POLR1F: variants seen among roughly 807,000 people sequenced by gnomAD.
POLR1F encodes the protein RNA polymerase I subunit F.
In POLR1F, 23 loss-of-function variants were observed where a neutral mutation model predicts 21.8. The observed-to-expected ratio is 1.05, with a 90% CI of 0.76 to 1.49. The LOEUF is 1.49. Ranked by LOEUF, POLR1F falls within the 40% of genes most tolerant of loss-of-function variation. POLR1F has a pLI of 0.00. For synonymous variants in POLR1F, 162 were observed against 152.8 expected, an observed-to-expected ratio of 1.06 and a Z score of -0.45; for missense variants, 435 against 412.1, an observed-to-expected ratio of 1.06 and a Z score of -0.48.
chr7:19,703,887 G>C (rs115845791), intron 2 of POLR1F, among the ~76,000 whole-genome samples: 6,103 of 152,254 alleles, frequency 0.04, 183 homozygotes, highest in African/African-American at 0.078. Flanking sequence ...AGCCACTGTG[G>C]CTGGCCTACA....
chr7:19,702,024 C>T (rs191053457), intron 2 of POLR1F, among the ~76,000 whole-genome samples: 2 of 152,162 alleles, frequency 1.3e-5, no homozygotes, highest in Admixed American at 1.3e-4. Context: ...CAGGCAGACC[C>T]CCGCAGCTAA....
chr7:19,702,792 T>C (rs1240003587), intron 2 of POLR1F, among the ~76,000 whole-genome samples: 1 of 152,134 alleles, frequency 6.6e-6, no homozygotes, highest in African/African-American at 2.4e-5. Flanking sequence ...AAAAATTGCT[T>C]ATGAGGGAAA....
Position 19,708,977 on chromosome 7 carries a change from C to T in POLR1F, c.40G>A (p.Ala14Thr). Residue 14 changes from alanine to threonine, a missense_variant, in exon 1 of 4, where the codon GCT becomes ACT. By Grantham distance (58) the Ala-to-Thr change is moderately conservative. Transcript: ENST00000222567. The stretch of plus-strand genomic sequence containing the variant: ...TGCCCTACCAGAGACCCATCAGAAG[C>T]CGCCGCTGGCCGCGGCGCCTCTGAG... ...GCSEAPRPAA[A>T]SDGSLVGQAG... The T allele has an allele frequency of 1.9e-6, 3 of 1,597,416 alleles. No homozygotes were observed. Among genetic ancestry groups the T allele is most frequent in the African/African-American group, 1.3e-5 (1 of 74,706 alleles).
intron 2 of POLR1F, 197 bp from the exon 3 acceptor site, chr7:19,700,477 G>C (rs1583401184): frequency 1.8e-6 from 1 of 556,458 alleles, no homozygotes; most frequent in East Asian, 2.8e-5. Flanking sequence ...AATACCACTG[G>C]GTTTTGAGAA....
At chr7:19,703,641 C>A (rs751888448) in intron 2 of POLR1F, among the ~76,000 whole-genome samples, 1 of 152,144 alleles carries the variant, frequency 6.6e-6, no homozygotes, top group African/African-American at 2.4e-5. Context: ...GTTGCCTAGG[C>A]TGGAATGCAT....
At chr7:19,704,488 C>G (rs1326443053) in intron 2 of POLR1F, among the ~76,000 whole-genome samples, 1 of 152,072 alleles carries the variant, frequency 6.6e-6, no homozygotes, top group East Asian at 1.9e-4. Flanking sequence ...GAATTGAGAA[C>G]TTTTGAAATA....
chr7:19,698,525 T>A lies in POLR1F; in HGVS notation c.808A>T (p.Ile270Phe). ...ALQNTNNANG[I>F]WEEEPKKKKK... ...TTTTTCTTTGGCTCCTCCTCCCAGA[T>A]GCCATTCGCATTATTAGTATTCTGC... Residue 270 changes from isoleucine (I) to phenylalanine (F), a missense_variant, in exon 4 of 4, where the codon ATC becomes TTC. Physicochemically the swap from Ile to Phe is conservative, Grantham distance 21. Transcript: ENST00000222567. The A allele has an allele frequency of 6.2e-7, 1 of 1,606,196 alleles. No homozygotes were observed. The highest frequency in any genetic ancestry group is 8.5e-7 in the Non-Finnish European group (1 of 1,178,138).
chr7:19,708,783 C>T lies in POLR1F; in HGVS notation c.234G>A (p.Glu78=). 6.2e-7 allele frequency: 1 copy of T among 1,612,876 alleles called. No individual in the cohort carries two copies. Among genetic ancestry groups the T allele is most frequent in the Non-Finnish European group, 8.5e-7 (1 of 1,178,898 alleles). The change falls in exon 1 of 4, where the codon GAG becomes GAA. Residue 78 remains glutamate (E), a synonymous_variant. Transcript: ENST00000222567. ...GGTACCTCTCAGAATAGCGAAGGAG[C>T]TCCGCATCAAGCTGTTCTCGAATGC... ...RTGIREQLDA[E]LLRYSESLLG...
At chr7:19,699,960 A>C in intron 3 of POLR1F, 112 bp downstream of exon 3, 1 of 811,260 alleles carries the variant, frequency 1.2e-6, no homozygotes, top group Non-Finnish European at 1.9e-6. Context: ...TCCTATAAAC[A>C]GGTATTTTTA....
intron 3 of POLR1F, 103 bp downstream of exon 3, chr7:19,699,969 T>G: frequency 1.1e-6 from 1 of 945,776 alleles, no homozygotes; most frequent in African/African-American, 1.7e-5. Flanking sequence ...CAGGTATTTT[T>G]AGAGAGGCTT....
At position 19,697,679 on chromosome 7, in the gene POLR1F, C is replaced by CTT. The variant is rs1230137742; in HGVS notation, c.*635_*636dup. ...CAGTCCTTTCCAGCAACCTCTCAGA[C>CTT]TTAAGAAGACAAGGACACACATGCA... On this transcript the variant is annotated 3_prime_UTR_variant, in exon 4 of 4. Transcript: ENST00000222567. 3 of 152,064 alleles carry CTT rather than the reference C, an allele frequency of 2.0e-5. No individual in the cohort carries two copies. Among genetic ancestry groups the CTT allele is most frequent in the Admixed American group, 2.0e-4 (3 of 15,234 alleles). 9.4% of individuals were successfully genotyped at this position (152,064 alleles called of 1,614,324 possible).
At chr7:19,706,656 C>T (rs1783529960) in intron 1 of POLR1F, among the ~76,000 whole-genome samples, 1 of 152,178 alleles carries the variant, frequency 6.6e-6, no homozygotes, top group African/African-American at 2.4e-5. Flanking sequence ...CACATCAACA[C>T]AAAGTCATCT....
intron 1 of POLR1F, among the ~76,000 whole-genome samples, chr7:19,706,092 C>G (rs1227479894): frequency 6.6e-6 from 1 of 152,158 alleles, no homozygotes; most frequent in Non-Finnish European, 1.5e-5. Context: ...TGAACTCAAA[C>G]TTCTAACAAT....
At chr7:19,699,655 A>C (rs1372149694) in intron 3 of POLR1F, among the ~76,000 whole-genome samples, 1 of 152,232 alleles carries the variant, frequency 6.6e-6, no homozygotes, top group African/African-American at 2.4e-5. Flanking sequence ...AGAATAATAC[A>C]GAAATTAAAA....
intron 1 of POLR1F, chr7:19,705,262 T>A (rs2128006984): frequency 5.9e-6 from 1 of 169,774 alleles, no homozygotes; most frequent in African/African-American, 2.4e-5. Flanking sequence ...CACCAATGGA[T>A]TCTGATGTGT....
chr7:19,698,546 T>G lies in POLR1F; in HGVS notation c.787A>C (p.Asn263His). The change falls in exon 4 of 4, where the codon AAT becomes CAT. Residue 263 changes from asparagine to histidine, a missense_variant. Coordinates refer to ENST00000222567, the MANE Select transcript of POLR1F (RefSeq NM_001002926.2). The part of the protein sequence containing the change: ...DTPMEESALQ[N>H]TNNANGIWEE... Reference sequence around the variant, plus strand: ...CAGATGCCATTCGCATTATTAGTATTCTGCAGGGCTGACTCTTCCATTGGA... The same window carrying G: ...CAGATGCCATTCGCATTATTAGTATGCTGCAGGGCTGACTCTTCCATTGGA... The G allele has an allele frequency of 6.2e-7, 1 of 1,609,252 alleles. No individual in the cohort carries two copies. Among genetic ancestry groups the G allele is most frequent in the Non-Finnish European group, 8.5e-7 (1 of 1,178,762 alleles).
chr7:19,699,179 T>C (rs1783418174), intron 3 of POLR1F, among the ~76,000 whole-genome samples: 1 of 152,210 alleles, frequency 6.6e-6, no homozygotes, highest in African/African-American at 2.4e-5. Context: ...CAGTCTACTA[T>C]TTTAATCTTG....
intron 1 of POLR1F, chr7:19,705,212 A>G (rs1194812514): frequency 8.9e-6 from 2 of 225,600 alleles, no homozygotes; most frequent in African/African-American, 4.5e-5. Context: ...CAAAAACAAT[A>G]GTATATGATT....
intron 2 of POLR1F, among the ~76,000 whole-genome samples, chr7:19,701,657 G>A (rs1783447954): frequency 6.6e-6 from 1 of 152,122 alleles, no homozygotes; most frequent in Non-Finnish European, 1.5e-5. Context: ...GGACAATAGA[G>A]GCTTCCCCAG....
Sources: allele counts gnomAD v4.1 joint callset (sites outside exome capture counted in the v4.1 genomes callset), GRCh38; gene constraint gnomAD v4.1.1; transcripts MANE v1.5; gene names NCBI Gene and HGNC (gene_info 2026-07-23, HGNC 2026-07-21).